RTN3: variants seen among roughly 807,000 people sequenced by gnomAD.
RTN3 encodes reticulon-3.
Under a neutral mutation model 77.8 loss-of-function variants are expected in RTN3, and 49 were observed. The ratio of observed to expected loss-of-function variants is 0.63; its 90% CI spans 0.50 to 0.80. RTN3 has a LOEUF of 0.80. Ranked by LOEUF, RTN3 falls within the 30% of genes least tolerant of loss-of-function variation. The pLI is 0.00. For synonymous variants in RTN3, 464 were observed against 446.9 expected (o/e 1.04, Z -0.48); for missense variants, 1,236 against 1,211.9 (o/e 1.02, Z -0.29).
chr11:63,690,411 T>C (rs561727334), intron 1 of RTN3, among the ~76,000 whole-genome samples: 1 of 152,322 alleles, frequency 6.6e-6, no homozygotes, highest in Admixed American at 6.5e-5. Context: ...TGCCAGGTGC[T>C]GTGGAAGACA....
At chr11:63,746,393 T>A (rs1238719894) in intron 3 of RTN3, among the ~76,000 whole-genome samples, 2 of 152,254 alleles carry the variant, frequency 1.3e-5, no homozygotes, top group Non-Finnish European at 2.9e-5. Flanking sequence ...CTGAACCATT[T>A]GAGAGCTGAT....
intron 5 of RTN3, among the ~76,000 whole-genome samples, 183 bp downstream of exon 5, chr11:63,752,828 C>T (rs1190302420): frequency 6.6e-6 from 1 of 152,152 alleles, no homozygotes; most frequent in Non-Finnish European, 1.5e-5. Flanking sequence ...GAACAAATAT[C>T]AGAAGAGAGG....
chr11:63,691,483 C>T (rs1481089719), intron 1 of RTN3, among the ~76,000 whole-genome samples: 2 of 152,078 alleles, frequency 1.3e-5, no homozygotes, highest in Non-Finnish European at 2.9e-5. Context: ...TATTGAACTC[C>T]TGGGCTCAAG....
At chr11:63,703,846 A>C (rs1291264373) in intron 1 of RTN3, among the ~76,000 whole-genome samples, 1 of 151,792 alleles carries the variant, frequency 6.6e-6, no homozygotes, top group Non-Finnish European at 1.5e-5. Flanking sequence ...CTGGCAACAC[A>C]TATCTTTGTA....
At chr11:63,750,893 G>A (rs373190252) in intron 4 of RTN3, among the ~76,000 whole-genome samples, 3 of 151,700 alleles carry the variant, frequency 2.0e-5, no homozygotes, top group South Asian at 2.1e-4. Flanking sequence ...CATCACGCCC[G>A]GCTAATTTTT....
At chr11:63,708,981 C>T (rs1942621528) in intron 2 of RTN3, among the ~76,000 whole-genome samples, 1 of 152,126 alleles carries the variant, frequency 6.6e-6, no homozygotes, top group South Asian at 2.1e-4. Context: ...CTCATTTAAT[C>T]TTCATAAGCA....
Position 63,720,660 on chromosome 11 carries a change from A to T in RTN3, c.2158A>T (p.Ser720Cys). 2 of 1,614,154 alleles carry T rather than the reference A, an allele frequency of 1.2e-6. No individual in the cohort carries two copies. Among genetic ancestry groups the T allele is most frequent in the East Asian group, 4.5e-5 (2 of 44,884 alleles). The stretch of plus-strand genomic sequence containing the variant: ...TGAACAAAGCAAAGAAACAAATGGA[A>T]GTGAGCCTCTAGGTGTTTTCCCTAC... ...YSEQSKETNG[S>C]EPLGVFPTQG... The change falls in exon 3 of 9, where the codon AGT becomes TGT. Residue 720 changes from serine (S) to cysteine (C), a missense_variant. Physicochemically the swap from Ser to Cys is moderately radical, Grantham distance 112. Around this residue, in one of 3 missense-constraint regions of RTN3, gnomAD observed 1,056 missense variants for 990.4 expected, o/e 1.07. Transcript: ENST00000377819.
intron 2 of RTN3, among the ~76,000 whole-genome samples, chr11:63,705,894 T>G (rs1444305687): frequency 6.6e-6 from 1 of 152,238 alleles, no homozygotes; most frequent in Non-Finnish European, 1.5e-5. Context: ...CTTCATCAAT[T>G]TATACTAATA....
chr11:63,730,963 T>C (rs2012648556), intron 3 of RTN3, among the ~76,000 whole-genome samples: 1 of 152,222 alleles, frequency 6.6e-6, no homozygotes, highest in Admixed American at 6.5e-5. Flanking sequence ...TATAGAACAC[T>C]ACTCCCTACA....
At chr11:63,753,749 G>C in intron 7 of RTN3, 41 bp downstream of exon 7, 1 of 1,518,552 alleles carries the variant, frequency 6.6e-7, no homozygotes, top group Non-Finnish European at 9.1e-7. Context: ...GCCAGTTGAT[G>C]TATGACTAGT....
Position 63,753,032 on chromosome 11 carries a change from G to C in RTN3, c.2878-37G>C, listed in dbSNP as rs761205282. On this transcript the variant is annotated intron_variant, in intron 5 of 8. Coordinates refer to ENST00000377819, the MANE Select transcript of RTN3 (RefSeq NM_001265589.2). ...TCAGTTAATGTGAATTTTGCCTTAC[G>C]GTTATTCCTGCTTAACTTTTGATAT... 1.3e-5 allele frequency: 21 copies of C among 1,597,806 alleles called. 1 individual carries two copies.
intron 1 of RTN3, among the ~76,000 whole-genome samples, chr11:63,695,119 A>G (rs1023850988): frequency 6.6e-6 from 1 of 152,156 alleles, no homozygotes; most frequent in Non-Finnish European, 1.5e-5. Flanking sequence ...GTAATATTCA[A>G]ACCTCCATAT....
chr11:63,718,991 A>T lies in RTN3; in HGVS notation c.489A>T (p.Pro163=), dbSNP rs1210346753. The part of the protein sequence containing the change: ...CDRPSIPASF[P]EHPAFLSKKI... ...GTCCTTCTATTCCAGCCAGTTTCCC[A>T]GAGCATCCTGCTTTTCTCTCAAAGA... Residue 163 remains proline (P), a synonymous_variant, in exon 3 of 9, where the codon CCA becomes CCT. Coordinates refer to ENST00000377819, the MANE Select transcript of RTN3 (RefSeq NM_001265589.2). The T allele has an allele frequency of 3.7e-6, 6 of 1,614,178 alleles. No homozygotes were observed. The highest frequency in any genetic ancestry group is 5.1e-6 in the Non-Finnish European group (6 of 1,180,030).
intron 1 of RTN3, among the ~76,000 whole-genome samples, chr11:63,695,804 C>A (rs146875193): frequency 1.0e-3 from 154 of 151,972 alleles, no homozygotes; most frequent in African/African-American, 3.6e-3. Context: ...GACATGATGA[C>A]AAAATGTGAT....
chr11:63,752,484 A>G, intron 4 of RTN3, 23 bp from the exon 5 acceptor site: 1 of 1,607,122 alleles, frequency 6.2e-7, no homozygotes, highest in Non-Finnish European at 8.5e-7. Flanking sequence ...CAAATGTATG[A>G]CTGTTATTTC....
At chr11:63,734,912 A>G (rs1565333597) in intron 3 of RTN3, among the ~76,000 whole-genome samples, 1 of 152,206 alleles carries the variant, frequency 6.6e-6, no homozygotes, top group Non-Finnish European at 1.5e-5. Context: ...ATCCTAAGAA[A>G]TCCACAAAAC....
Position 63,759,337 on chromosome 11 carries a change from A to C in RTN3, c.*1136A>C, listed in dbSNP as rs1461660640. ...CTTCAGGTTCTCACTCATAGTCATG[A>C]TCCTTCAGAGGGAATATGCACTGGC... On this transcript the variant is annotated 3_prime_UTR_variant, in exon 9 of 9. Coordinates refer to ENST00000377819, the MANE Select transcript of RTN3 (RefSeq NM_001265589.2). 1 of 152,476 alleles carries C rather than the reference A, an allele frequency of 6.6e-6. No homozygotes were observed. The highest frequency in any genetic ancestry group is 1.5e-5 in the Non-Finnish European group (1 of 68,042). 9.4% of individuals were successfully genotyped at this position (152,476 alleles called of 1,614,324 possible). A position where few individuals can be genotyped will look rare whatever the true frequency, so the allele number is the denominator to read the frequency against.
Position 63,753,139 on chromosome 11 carries a change from G to A in RTN3, c.2947+1G>A. 1 of 1,613,698 alleles carries A rather than the reference G, an allele frequency of 6.2e-7. No individual in the cohort carries two copies. Among genetic ancestry groups the A allele is most frequent in the East Asian group, 2.2e-5 (1 of 44,878 alleles). ...AACGGAATCACCCTTCTAATTCTTG[G>A]TAAGGTGGCAAGGAGAATGTGCCCA... On this transcript the variant is annotated splice_donor_variant, in intron 6 of 8. Transcript: ENST00000377819. LOFTEE classifies it high-confidence loss of function.
intron 1 of RTN3, among the ~76,000 whole-genome samples, chr11:63,700,411 G>T (rs1942177375): frequency 6.6e-6 from 1 of 150,474 alleles, no homozygotes; most frequent in Admixed American, 6.7e-5. Flanking sequence ...AAGTAGCTGG[G>T]ACTATAGGCT....
Sources: allele counts gnomAD v4.1 joint callset (sites outside exome capture counted in the v4.1 genomes callset), GRCh38; gene constraint gnomAD v4.1.1; regional missense constraint gnomAD v4.1.1; transcripts MANE v1.5; gene names NCBI Gene and HGNC (gene_info 2026-07-23, HGNC 2026-07-21).